PCSK5: variants seen among roughly 807,000 people sequenced by gnomAD.
The protein encoded by PCSK5 is proprotein convertase subtilisin/kexin type 5.
PCSK5 carries 129 observed loss-of-function variants against 233.2 expected under a neutral mutation model. That is an observed-to-expected ratio of 0.55 (90% confidence interval 0.48 to 0.64). The LOEUF is 0.64. Ranked by LOEUF, PCSK5 falls within the 30% of genes least tolerant of loss-of-function variation. The probability of loss-of-function intolerance (pLI) is 0.00; values close to 1 mark genes in which losing one functional copy is unlikely to be tolerated. For missense variants in PCSK5, 2,076 were observed against 2,430.1 expected (o/e 0.85, Z 3.06); for synonymous variants, 825 against 879.2 (o/e 0.94, Z 1.09).
At chr9:76,301,807 G>T (rs547508823) in intron 27 of PCSK5, among the ~76,000 whole-genome samples, 1 of 151,940 alleles carries the variant, frequency 6.6e-6, no homozygotes, top group Admixed American at 6.6e-5. Context: ...TGGCGCCACC[G>T]CACTCTGGCC....
intron 7 of PCSK5, among the ~76,000 whole-genome samples, chr9:76,087,027 C>G (rs60964420): frequency 0.022 from 3,302 of 152,290 alleles, 91 homozygotes; most frequent in African/African-American, 0.063. Flanking sequence ...TTCTACTATT[C>G]TTTCTCCATG....
chr9:76,069,614 C>A (rs1830411345), intron 6 of PCSK5, among the ~76,000 whole-genome samples: 1 of 152,008 alleles, frequency 6.6e-6, no homozygotes, highest in African/African-American at 2.4e-5. Flanking sequence ...AAGTAAAATT[C>A]TTTTTTTGTG....
chr9:76,129,714 GGA>G (rs1822678623), intron 9 of PCSK5, among the ~76,000 whole-genome samples: 1 of 112,130 alleles, frequency 8.9e-6, no homozygotes, highest in African/African-American at 3.1e-5. Context: ...CTTTGGTGAA[GGA>G]TTTTTTTCTT....
intron 24 of PCSK5, among the ~76,000 whole-genome samples, chr9:76,248,578 ACTG>A (rs1654343574): frequency 6.6e-6 from 1 of 152,186 alleles, no homozygotes; most frequent in Non-Finnish European, 1.5e-5. Flanking sequence ...ATATAAACAC[ACTG>A]GGTGGAAAGT....
chr9:75,908,980 TATCTATCTATCC>T lies in PCSK5; in HGVS notation c.192+17608_192+17619del, dbSNP rs1341919890. ...CTATCTATCTATCTATCTATCTATC[TATCTATCTATCC>T]GATTTTCTCTCCTCTGCTAGATAAT... On this transcript the variant is annotated intron_variant, in intron 1 of 37. Coordinates refer to ENST00000674117, the MANE Select transcript of PCSK5 (RefSeq NM_001372043.1). Among the ~76,000 whole-genome samples the T allele has an allele frequency of 2.3e-3, 311 of 137,856 alleles. 1 individual carries two copies. The highest frequency in any genetic ancestry group is 4.1e-3 in the Non-Finnish European group (251 of 60,524). 90.4% of individuals were successfully genotyped at this position (137,856 alleles called of 152,430 possible).
chr9:75,907,453 T>C (rs1826309065), intron 1 of PCSK5, among the ~76,000 whole-genome samples: 1 of 152,148 alleles, frequency 6.6e-6, no homozygotes, highest in Non-Finnish European at 1.5e-5. Context: ...GATGAGTCAT[T>C]TGTGTGTGGA....
rs959588955 is a variant in PCSK5, at chr9:75,952,598, C to T, written c.297+20115C>T. Among the ~76,000 whole-genome samples the T allele has an allele frequency of 2.0e-5, 3 of 152,186 alleles. No homozygotes were observed. The East Asian group carries it at 5.8e-4, about 29-fold the overall frequency. ...CCTGCTACCTCCCACCAAAAATTCT[C>T]ATGGGTCCCTTTATATTCAGCTTCT... On this transcript the variant is annotated intron_variant, in intron 2 of 37. Coordinates refer to ENST00000674117, the MANE Select transcript of PCSK5 (RefSeq NM_001372043.1).
At chr9:75,949,936 A>G (rs142493580) in intron 2 of PCSK5, among the ~76,000 whole-genome samples, 40 of 152,324 alleles carry the variant, frequency 2.6e-4, no homozygotes, top group African/African-American at 8.7e-4. Flanking sequence ...TGGGGTATCC[A>G]TCTATGTTGG....
chr9:76,046,160 G>GGTTTTTT (rs1829367688), intron 5 of PCSK5, among the ~76,000 whole-genome samples: 5 of 58,026 alleles, frequency 8.6e-5, no homozygotes, highest in African/African-American at 3.4e-4. Flanking sequence ...TTTTTCTTTT[G>GGTTTTTT]TTTTTTTTTT....
At chr9:76,220,438 A>G (rs966791211) in intron 20 of PCSK5, among the ~76,000 whole-genome samples, 7 of 150,936 alleles carry the variant, frequency 4.6e-5, no homozygotes, top group Non-Finnish European at 8.8e-5. Flanking sequence ...GAGGAAGGAG[A>G]ATGGCTTGAA....
At chr9:76,222,052 G>A (rs929638975) in intron 20 of PCSK5, among the ~76,000 whole-genome samples, 38 of 152,186 alleles carry the variant, frequency 2.5e-4, no homozygotes, top group African/African-American at 7.7e-4. Context: ...GCTGCCTAAT[G>A]TTCATTCTGT....
chr9:76,326,959 G>A (rs752523868), intron 32 of PCSK5, among the ~76,000 whole-genome samples: 3 of 152,120 alleles, frequency 2.0e-5, no homozygotes, highest in Non-Finnish European at 2.9e-5. Context: ...AGACAGAATG[G>A]CAACTACTAA....
chr9:75,979,980 AG>A (rs1437997711), intron 2 of PCSK5, among the ~76,000 whole-genome samples: 1 of 152,242 alleles, frequency 6.6e-6, no homozygotes, highest in Non-Finnish European at 1.5e-5. Flanking sequence ...CATGAACAAA[AG>A]TAAATGAAAG....
intron 32 of PCSK5, among the ~76,000 whole-genome samples, chr9:76,325,743 T>C (rs1047855579): frequency 6.6e-6 from 1 of 152,004 alleles, no homozygotes; most frequent in Admixed American, 6.6e-5. Flanking sequence ...GTTCAAGAGA[T>C]TCTCCTGCTT....
At chr9:75,943,685 C>T (rs1327506710) in intron 2 of PCSK5, among the ~76,000 whole-genome samples, 2 of 152,178 alleles carry the variant, frequency 1.3e-5, no homozygotes, top group African/African-American at 4.8e-5. Flanking sequence ...TCAATCTTCC[C>T]TCACTTGAAG....
chr9:76,168,483 T>C (rs1324702844), intron 12 of PCSK5, among the ~76,000 whole-genome samples: 1 of 152,220 alleles, frequency 6.6e-6, no homozygotes, highest in Non-Finnish European at 1.5e-5. Context: ...ATTATTAATG[T>C]CTCTTTATTC....
intron 6 of PCSK5, among the ~76,000 whole-genome samples, chr9:76,068,910 A>C (rs994799671): frequency 1.3e-5 from 2 of 152,192 alleles, no homozygotes; most frequent in Admixed American, 1.3e-4. Context: ...TTCAAGTGGG[A>C]AATAGTGTTA....
intron 2 of PCSK5, among the ~76,000 whole-genome samples, chr9:75,979,705 T>G (rs1826191153): frequency 6.6e-6 from 1 of 152,214 alleles, no homozygotes; most frequent in Non-Finnish European, 1.5e-5. Flanking sequence ...AATATCTTCT[T>G]TGAGAAATCT....
At chr9:76,130,557 T>C (rs180935139) in intron 9 of PCSK5, among the ~76,000 whole-genome samples, 10 of 152,324 alleles carry the variant, frequency 6.6e-5, no homozygotes, top group African/African-American at 2.4e-4. Context: ...ATTTTCAATA[T>C]CATGCAACAA....
Sources: gnomAD v4.1 joint callset for allele counts (sites outside exome capture counted in the v4.1 genomes callset) on GRCh38, gnomAD v4.1.1 for gene constraint, MANE v1.5 for transcripts, NCBI Gene and HGNC (gene_info 2026-07-23, HGNC 2026-07-21) for gene names.